The following PAX3 variants were observed in gnomAD, a reference collection of about 807,000 sequenced individuals.
PAX3 encodes paired box 3.
Under a neutral mutation model 51.6 loss-of-function variants are expected in PAX3, and 14 were observed. The observed-to-expected ratio is 0.27, with a 90% confidence interval of 0.18 to 0.42. The LOEUF is 0.42. Among genes scored for constraint, PAX3 ranks in the 10% least tolerant of loss-of-function variants. The probability of loss-of-function intolerance (pLI) is 1.00; values close to 1 mark genes in which losing one functional copy is unlikely to be tolerated. For synonymous variants in PAX3, 280 were observed against 253.4 expected, an observed-to-expected ratio of 1.11 and a Z score of -1.00; for missense variants, 540 against 642.8, an observed-to-expected ratio of 0.84 and a Z score of 1.73.
rs772564725 is a variant in PAX3 at position 222,293,641 on chromosome 2, C to T, written c.586+526G>A. 1.7e-5 allele frequency: 28 copies of T among 1,614,022 alleles called. No homozygotes were observed. In the Admixed American group the frequency reaches 3.3e-4, roughly 19 times the overall value. On this transcript the variant is annotated intron_variant, in intron 4 of 8. Coordinates refer to ENST00000392070, the MANE Select transcript of PAX3 (RefSeq NM_181458.4). ...TTCAAACAAATCAAACCAGTCAACA[C>T]ACAGACATATTTATAAGGCAGCCAA... is the stretch of plus-strand genomic sequence containing the variant.
chr2:222,264,571 T>A (rs1401058450), intron 4 of PAX3: 2 of 151,964 alleles, frequency 1.3e-5, no homozygotes, highest in Admixed American at 6.6e-5. Context: ...CACAAAGTAA[T>A]CCAAAAAAGT....
chr2:222,249,621 T>C (rs1693351257), intron 4 of PAX3, among the ~76,000 whole-genome samples: 1 of 152,218 alleles, frequency 6.6e-6, no homozygotes. Flanking sequence ...ACTAGCTTTC[T>C]TCTGCATAGT....
intron 4 of PAX3, among the ~76,000 whole-genome samples, chr2:222,278,364 A>G (rs952347067): frequency 6.6e-6 from 1 of 152,066 alleles, no homozygotes; most frequent in African/African-American, 2.4e-5. Context: ...GGGGAGTCTC[A>G]TTTCTTCAGA....
rs45501393 is a variant in PAX3 at position 222,221,373 on chromosome 2, G to A, written c.807C>T (p.Asn269=). The change falls in exon 6 of 9, where the codon AAC becomes AAT. Residue 269 remains asparagine (N), a synonymous_variant. Coordinates refer to ENST00000392070, the MANE Select transcript of PAX3 (RefSeq NM_181458.4). ...TEARVQVWFS[N]RRARWRKQAG... ...CTTGCTTCCTCCATCTTGCACGGCG[G>A]TTGCTAAACCAGACCTATGGATTTA... 298 of 1,613,846 alleles carry A rather than the reference G, an allele frequency of 1.8e-4. 2 individuals carry two copies. In the East Asian group the frequency reaches 4.6e-3, roughly 25 times the overall value.
intron 4 of PAX3, among the ~76,000 whole-genome samples, chr2:222,260,578 GTTTTTTTTTTTTGTTTTTTTTTTTTTTT>G (rs1315617333): frequency 3.2e-5 from 2 of 61,690 alleles, no homozygotes; most frequent in Non-Finnish European, 6.4e-5. Flanking sequence ...TTTTTTTTTT[GTTTTTTTTTTTTGTTTTTTTTTTTTTTT>G]TTTGAGGCAA....
intron 4 of PAX3, among the ~76,000 whole-genome samples, chr2:222,238,603 G>A (rs1046327559): frequency 6.6e-6 from 1 of 152,156 alleles, no homozygotes; most frequent in African/African-American, 2.4e-5. Context: ...CATGGGAGGA[G>A]GTGGAGGGAT....
chr2:222,240,414 A>G (rs1014646687), intron 4 of PAX3, among the ~76,000 whole-genome samples: 2 of 152,150 alleles, frequency 1.3e-5, no homozygotes, highest in African/African-American at 4.8e-5. Context: ...TTCCTTGAGG[A>G]AACTTTCTCT....
chr2:222,275,553 A>G (rs1694389864), intron 4 of PAX3, among the ~76,000 whole-genome samples: 1 of 152,218 alleles, frequency 6.6e-6, no homozygotes, highest in African/African-American at 2.4e-5. Flanking sequence ...CCTTCAGAAT[A>G]TATAGCTGAA....
At chr2:222,228,215 C>T (rs1692455626) in intron 5 of PAX3, among the ~76,000 whole-genome samples, 1 of 152,090 alleles carries the variant, frequency 6.6e-6, no homozygotes, top group East Asian at 1.9e-4. Context: ...AGATCACAGC[C>T]GTGGTGCCAG....
chr2:222,244,313 G>A (rs900930855), intron 4 of PAX3, among the ~76,000 whole-genome samples: 1 of 152,122 alleles, frequency 6.6e-6, no homozygotes, highest in South Asian at 2.1e-4. Flanking sequence ...TTAGGAGAGA[G>A]GCCAAACTAC....
chr2:222,285,820 A>G (rs1694813122), intron 4 of PAX3, among the ~76,000 whole-genome samples: 1 of 152,244 alleles, frequency 6.6e-6, no homozygotes, highest in Non-Finnish European at 1.5e-5. Flanking sequence ...TACTACTTAA[A>G]TTATCCATAT....
At chr2:222,241,191 C>G (rs1264235975) in intron 4 of PAX3, among the ~76,000 whole-genome samples, 1 of 152,096 alleles carries the variant, frequency 6.6e-6, no homozygotes, top group Non-Finnish European at 1.5e-5. Context: ...TGAAGGGGAA[C>G]AGGAAAACAG....
intron 4 of PAX3, among the ~76,000 whole-genome samples, chr2:222,271,295 C>T (rs1017752731): frequency 4.6e-5 from 7 of 152,126 alleles, no homozygotes; most frequent in Non-Finnish European, 8.8e-5. Flanking sequence ...TACCAAAATC[C>T]GTAAGTGGAA....
At chr2:222,280,546 A>G (rs1433501617) in intron 4 of PAX3, among the ~76,000 whole-genome samples, 2 of 152,102 alleles carry the variant, frequency 1.3e-5, no homozygotes, top group Admixed American at 6.5e-5. Context: ...ACTTGCTTTG[A>G]CCTCCACAAG....
intron 4 of PAX3, among the ~76,000 whole-genome samples, chr2:222,284,237 CTG>C (rs371191246): frequency 3.3e-5 from 5 of 152,234 alleles, no homozygotes; most frequent in African/African-American, 4.8e-5. Context: ...TAATGAGAAA[CTG>C]TGCAAAAACA....
In PAX3 at chr2:222,298,702, C is replaced by G. The variant is rs1559322732; in HGVS notation, c.-87G>C. 1.5e-6 allele frequency: 2 copies of G among 1,333,422 alleles called. No individual in the cohort carries two copies. The highest frequency in any genetic ancestry group is 2.1e-6 in the Non-Finnish European group (2 of 951,834). 82.6% of individuals were successfully genotyped at this position (1,333,422 alleles called of 1,614,324 possible). On this transcript the variant is annotated 5_prime_UTR_variant, in exon 1 of 9. Coordinates refer to ENST00000392070, the MANE Select transcript of PAX3 (RefSeq NM_181458.4). ...GGCGCGGATGACCCTCGGGAACTAT[C>G]CGGAGCGTGGAGAGCCCCTCCCCAA...
intron 4 of PAX3, chr2:222,293,601 C>T: frequency 6.2e-7 from 1 of 1,606,762 alleles, no homozygotes; most frequent in East Asian, 2.2e-5. Context: ...AACCCCCTCA[C>T]ATTTGAAAAT....
chr2:222,275,454 C>T (rs527376385), intron 4 of PAX3, among the ~76,000 whole-genome samples: 2 of 151,648 alleles, frequency 1.3e-5, no homozygotes, highest in African/African-American at 4.8e-5. Context: ...AAAAAACCCA[C>T]CACATTTTCA....
intron 4 of PAX3, among the ~76,000 whole-genome samples, chr2:222,250,743 G>A (rs1342166143): frequency 6.6e-6 from 1 of 152,100 alleles, no homozygotes; most frequent in Non-Finnish European, 1.5e-5. Context: ...TCTCTTCTGA[G>A]ATTTCTTAAA....
Sources: allele counts gnomAD v4.1 joint callset (sites outside exome capture counted in the v4.1 genomes callset), GRCh38; gene constraint gnomAD v4.1.1; transcripts MANE v1.5; gene names NCBI Gene and HGNC (gene_info 2026-07-23, HGNC 2026-07-21).